The following CNTNAP2 variants were observed in gnomAD, a reference collection of about 807,000 sequenced individuals.
CNTNAP2 encodes the protein contactin-associated protein-like 2.
Under a neutral mutation model 155.2 loss-of-function variants are expected in CNTNAP2, and 98 were observed. The ratio of observed to expected loss-of-function variants is 0.63; its 90% CI spans 0.54 to 0.75. The LOEUF (loss-of-function observed/expected upper bound fraction) is 0.75, where lower values mean the gene tolerates loss of function less well. Among genes scored for constraint, CNTNAP2 ranks in the 30% least tolerant of loss-of-function variants. The probability of loss-of-function intolerance (pLI) is 0.00; values close to 1 mark genes in which losing one functional copy is unlikely to be tolerated. For synonymous variants in CNTNAP2, 651 were observed against 631.2 expected (o/e 1.03, Z -0.47); for missense variants, 1,727 against 1,688.1 (o/e 1.02, Z -0.40).
intron 13 of CNTNAP2, among the ~76,000 whole-genome samples, chr7:147,654,461 C>T (rs1007558584): frequency 2.6e-5 from 4 of 152,164 alleles, no homozygotes; most frequent in Admixed American, 2.6e-4. Flanking sequence ...AAACCACTTT[C>T]TTTGTTTAGC....
intron 1 of CNTNAP2, among the ~76,000 whole-genome samples, chr7:146,326,379 T>C (rs1273656510): frequency 2.0e-5 from 3 of 152,228 alleles, no homozygotes; most frequent in Non-Finnish European, 4.4e-5. Context: ...GGAGCTAGCC[T>C]TGCATATCTC....
intron 1 of CNTNAP2, among the ~76,000 whole-genome samples, chr7:146,386,942 G>C (rs902894426): frequency 6.6e-6 from 1 of 152,070 alleles, no homozygotes; most frequent in Non-Finnish European, 1.5e-5. Flanking sequence ...CTGGACTCAA[G>C]TTCTTGTTTG....
At chr7:147,871,811 C>T (rs2116702633) in intron 13 of CNTNAP2, among the ~76,000 whole-genome samples, 1 of 152,222 alleles carries the variant, frequency 6.6e-6, no homozygotes, top group East Asian at 1.9e-4. Flanking sequence ...ATTTATTTTG[C>T]ACAATTTGCA....
intron 4 of CNTNAP2, among the ~76,000 whole-genome samples, chr7:147,048,228 C>T (rs1799404769): frequency 6.6e-6 from 1 of 151,856 alleles, no homozygotes; most frequent in Admixed American, 6.6e-5. Context: ...GCCCTAAGTG[C>T]AATCACATGT....
At chr7:146,803,617 G>C (rs1041358829) in intron 2 of CNTNAP2, among the ~76,000 whole-genome samples, 2 of 152,122 alleles carry the variant, frequency 1.3e-5, no homozygotes, top group Non-Finnish European at 2.9e-5. Context: ...GTGTGTGCCA[G>C]GAATTAGTCT....
chr7:146,417,485 AGACCCAAGTTAAACAT>A (rs1563076190), intron 1 of CNTNAP2, among the ~76,000 whole-genome samples: 1 of 152,198 alleles, frequency 6.6e-6, no homozygotes, highest in African/African-American at 2.4e-5. Context: ...ATTCTAAAGC[AGACCCAAGTTAAACAT>A]GAAGACAACT....
At chr7:147,091,446 T>C (rs1330462357) in intron 4 of CNTNAP2, among the ~76,000 whole-genome samples, 2 of 152,084 alleles carry the variant, frequency 1.3e-5, no homozygotes, top group African/African-American at 2.4e-5. Flanking sequence ...CTCAACCATA[T>C]ACTTTTTTCT....
chr7:147,541,785 C>T (rs570468762), intron 11 of CNTNAP2, among the ~76,000 whole-genome samples: 68 of 152,264 alleles, frequency 4.5e-4, no homozygotes, highest in Non-Finnish European at 3.4e-4. Flanking sequence ...TGAGTTTGAT[C>T]TTTCCGTGTT....
chr7:146,613,941 AAAT>A (rs1799182514), intron 1 of CNTNAP2, among the ~76,000 whole-genome samples: 2 of 152,190 alleles, frequency 1.3e-5, no homozygotes, highest in South Asian at 4.1e-4. Flanking sequence ...CAGTAAATAA[AAAT>A]AAGTAATTTA....
intron 3 of CNTNAP2, among the ~76,000 whole-genome samples, chr7:146,995,040 A>G (rs1798280892): frequency 6.6e-6 from 1 of 151,940 alleles, no homozygotes. Context: ...CTCTACTTCT[A>G]TGAGATCATT....
At chr7:147,049,221 C>A (rs1799424119) in intron 4 of CNTNAP2, among the ~76,000 whole-genome samples, 1 of 152,178 alleles carries the variant, frequency 6.6e-6, no homozygotes, top group Non-Finnish European at 1.5e-5. Context: ...CGCATTCATA[C>A]CACAGCGTAC....
chr7:147,680,482 G>A (rs1795931430), intron 13 of CNTNAP2, among the ~76,000 whole-genome samples: 1 of 151,880 alleles, frequency 6.6e-6, no homozygotes, highest in Admixed American at 6.6e-5. Flanking sequence ...AACACTGGCC[G>A]AAGTGCTAAA....
chr7:148,249,544 G>A (rs188301685), intron 20 of CNTNAP2, among the ~76,000 whole-genome samples: 54 of 152,126 alleles, frequency 3.5e-4, no homozygotes, highest in East Asian at 1.7e-3. Context: ...ATGAACTGCC[G>A]ACTCACACAC....
chr7:147,225,742 A>AGAAGGAAGGAAGGAAGGAAGGAAGGAAG (rs56768185), intron 8 of CNTNAP2, among the ~76,000 whole-genome samples: 2 of 103,872 alleles, frequency 1.9e-5, no homozygotes, highest in Admixed American at 1.1e-4. Flanking sequence ...TAGGAAGGAA[A>AGAAGGAAGGAAGGAAGGAAGGAAGGAAG]GAAGGAAGGA....
Position 147,338,517 on chromosome 7 carries a change from C to G in CNTNAP2, c.1498+38227C>G, listed in dbSNP as rs147747333. ...AATGCCCTGGTGATTGTTAATAAGT[C>G]AAAGAGAAGTGGTTTTGTCACAGAA... On this transcript the variant is annotated intron_variant, in intron 9 of 23. Transcript: ENST00000361727. 5.4e-3 allele frequency among the ~76,000 whole-genome samples: 814 copies of G among 152,018 alleles called. 4 individuals carry two copies. Among genetic ancestry groups the G allele is most frequent in the Middle Eastern group, 0.01 (3 of 294 alleles).
intron 8 of CNTNAP2, among the ~76,000 whole-genome samples, chr7:147,199,019 T>C (rs1802867404): frequency 1.4e-5 from 2 of 144,750 alleles, no homozygotes; most frequent in African/African-American, 5.1e-5. Context: ...TGGAGTGCAA[T>C]GGCGTGGTCT....
chr7:148,231,965 C>T (rs139823037), intron 20 of CNTNAP2, among the ~76,000 whole-genome samples: 7 of 152,274 alleles, frequency 4.6e-5, no homozygotes, highest in Non-Finnish European at 7.3e-5. Context: ...AGTGCTTCCT[C>T]GATTCCGCCC....
rs757110790 is a variant in CNTNAP2, at chr7:146,839,736, C to T, written c.234C>T (p.Asp78=). Residue 78 remains aspartate (D), a synonymous_variant, in exon 3 of 24, where the codon GAC becomes GAT. Coordinates refer to ENST00000361727, the MANE Select transcript of CNTNAP2 (RefSeq NM_014141.6). ...RGGAGGWSPS[D]SDHYQWLQVD... is the part of the protein sequence containing the mutation. ...GTGCTGGGGGATGGTCTCCATCAGA[C>T]AGCGACCATTATCAATGGCTTCAGG... 18 of 1,614,096 alleles carry T rather than the reference C, an allele frequency of 1.1e-5. No homozygotes were observed. The highest frequency in any genetic ancestry group is 1.7e-5 in the Admixed American group (1 of 60,006).
intron 8 of CNTNAP2, among the ~76,000 whole-genome samples, chr7:147,291,139 G>T (rs934680308): frequency 6.6e-5 from 10 of 151,960 alleles, no homozygotes; most frequent in African/African-American, 2.4e-4. Context: ...CTATCAGCTT[G>T]ATTTTTTTAT....
Sources: allele counts gnomAD v4.1 joint callset (sites outside exome capture counted in the v4.1 genomes callset), GRCh38; gene constraint gnomAD v4.1.1; transcripts MANE v1.5; gene names NCBI Gene and HGNC (gene_info 2026-07-23, HGNC 2026-07-21).